Variants in KCNIP1 observed in about 807,000 individuals in gnomAD.
KCNIP1 encodes the protein potassium voltage-gated channel interacting protein 1, also known as A-type potassium channel modulatory protein KCNIP1.
A neutral mutation model predicts 33.0 loss-of-function variants in KCNIP1; 18 were observed. The observed-to-expected ratio is 0.55, with a 90% CI of 0.38 to 0.81. The LOEUF (loss-of-function observed/expected upper bound fraction) is 0.81, where lower values mean the gene tolerates loss of function less well. KCNIP1 is among the 30% of genes least tolerant of loss of function. The pLI is 0.00. For missense variants in KCNIP1, 238 were observed against 271.6 expected, an observed-to-expected ratio of 0.88 and a Z score of 0.87; for synonymous variants, 93 against 98.3, an observed-to-expected ratio of 0.95 and a Z score of 0.32.
intron 1 of KCNIP1, among the ~76,000 whole-genome samples, chr5:170,434,024 A>G (rs1581188579): frequency 6.6e-6 from 1 of 152,096 alleles, no homozygotes; most frequent in East Asian, 1.9e-4. Flanking sequence ...CCTCAAAAAG[A>G]GTTTTGTAGA....
At chr5:170,482,096 G>A (rs1006646104) in intron 1 of KCNIP1, among the ~76,000 whole-genome samples, 8 of 152,202 alleles carry the variant, frequency 5.3e-5, no homozygotes, top group South Asian at 2.1e-4. Context: ...AACCAAGCCA[G>A]CCATGTTAGC....
intron 1 of KCNIP1, among the ~76,000 whole-genome samples, chr5:170,688,977 G>A (rs1762632180): frequency 7.1e-6 from 1 of 141,830 alleles, no homozygotes. Context: ...GTGGAAAGAA[G>A]GAAGGAAGAA....
At chr5:170,411,397 C>T (rs1755184341) in intron 1 of KCNIP1, among the ~76,000 whole-genome samples, 2 of 152,292 alleles carry the variant, frequency 1.3e-5, no homozygotes, top group Admixed American at 6.5e-5. Context: ...AGTTCTCATC[C>T]ACTGTGCAGA....
At chr5:170,451,369 T>C (rs867960571) in intron 1 of KCNIP1, among the ~76,000 whole-genome samples, 4 of 152,116 alleles carry the variant, frequency 2.6e-5, no homozygotes, top group Admixed American at 6.5e-5. Context: ...TGGCATCCAA[T>C]TGAACCCTCC....
At chr5:170,667,079 C>T (rs1020731174) in intron 1 of KCNIP1, among the ~76,000 whole-genome samples, 2 of 152,090 alleles carry the variant, frequency 1.3e-5, no homozygotes, top group Admixed American at 6.5e-5. Context: ...TTTGAGAGGC[C>T]GAGGTGGGCG....
chr5:170,521,256 C>G (rs1440202009), intron 1 of KCNIP1, among the ~76,000 whole-genome samples: 1 of 152,162 alleles, frequency 6.6e-6, no homozygotes, highest in Non-Finnish European at 1.5e-5. Flanking sequence ...CAGAATCTTT[C>G]TTAACACAAT....
intron 1 of KCNIP1, among the ~76,000 whole-genome samples, chr5:170,572,701 C>T (rs1215587502): frequency 1.3e-5 from 2 of 152,198 alleles, no homozygotes; most frequent in Non-Finnish European, 2.9e-5. Flanking sequence ...GCTGCTGGAA[C>T]AAACACAAGC....
upstream of KCNIP1, among the ~76,000 whole-genome samples, chr5:170,500,058 T>C (rs1757381364): frequency 3.9e-5 from 6 of 152,134 alleles, no homozygotes; most frequent in Admixed American, 2.6e-4. Flanking sequence ...AAACTGGAAG[T>C]CCAAGATCAA....
intron 1 of KCNIP1, among the ~76,000 whole-genome samples, chr5:170,469,322 G>T (rs915119417): frequency 6.6e-6 from 1 of 152,142 alleles, no homozygotes; most frequent in Non-Finnish European, 1.5e-5. Flanking sequence ...TTGAGCCCAG[G>T]AATTCAAGGC....
intron 1 of KCNIP1, among the ~76,000 whole-genome samples, chr5:170,707,494 A>C (rs50057): frequency 6.6e-6 from 1 of 152,134 alleles, no homozygotes; most frequent in Non-Finnish European, 1.5e-5. Flanking sequence ...TGTCACACAC[A>C]AACAGAATTA....
At chr5:170,358,674 T>A (rs1763414005) in intron 1 of KCNIP1, among the ~76,000 whole-genome samples, 1 of 152,250 alleles carries the variant, frequency 6.6e-6, no homozygotes, top group Non-Finnish European at 1.5e-5. Flanking sequence ...AAATCCCAAC[T>A]CTGCTCTTGC....
Position 170,682,251 on chromosome 5 carries a change from T to A in KCNIP1, c.62-36507T>A, listed in dbSNP as rs76258653. On this transcript the variant is annotated intron_variant, in intron 1 of 7. Coordinates refer to ENST00000328939, the MANE Select transcript of KCNIP1 (RefSeq NM_014592.4). ...GTTTAATGTTGGTCAAGTCATTTTTTAAAAAATTCTAGGTCTTGGTTTCCT... is the reference window on the plus strand; with the variant it reads ...GTTTAATGTTGGTCAAGTCATTTTTAAAAAAATTCTAGGTCTTGGTTTCCT... Among the ~76,000 whole-genome samples the A allele has an allele frequency of 7.0e-3, 1,073 of 152,312 alleles. 3 individuals carry two copies. The highest frequency in any genetic ancestry group is 0.012 in the Non-Finnish European group (797 of 68,014).
chr5:170,656,621 CT>C (rs1761274935), intron 1 of KCNIP1, among the ~76,000 whole-genome samples: 1 of 152,180 alleles, frequency 6.6e-6, no homozygotes, highest in Non-Finnish European at 1.5e-5. Context: ...TCATGGGAGC[CT>C]GGGAGAGGCC....
At chr5:170,652,350 T>C in intron 1 of KCNIP1, among the ~76,000 whole-genome samples, 1 of 151,736 alleles carries the variant, frequency 6.6e-6, no homozygotes, top group Non-Finnish European at 1.5e-5. Flanking sequence ...CCAAGTGTGA[T>C]GACACATGCT....
intron 1 of KCNIP1, among the ~76,000 whole-genome samples, chr5:170,640,625 G>GAT (rs1760503877): frequency 6.6e-6 from 1 of 152,198 alleles, no homozygotes; most frequent in African/African-American, 2.4e-5. Flanking sequence ...ACACACTGAG[G>GAT]ATATACACTT....
chr5:170,431,320 T>C (rs1755735721), intron 1 of KCNIP1, among the ~76,000 whole-genome samples: 1 of 152,194 alleles, frequency 6.6e-6, no homozygotes, highest in South Asian at 2.1e-4. Flanking sequence ...TGGCTGATGG[T>C]GGAAGAAATG....
Position 170,636,986 on chromosome 5 carries a change from G to T in KCNIP1, c.62-81772G>T, listed in dbSNP as rs76935140. ...AAAATCCACCTCCAAGTCCACAGTG[G>T]GTTGGCCCCACCCCCAACCCATCCC... On this transcript the variant is annotated intron_variant, in intron 1 of 7. Coordinates refer to ENST00000328939, the MANE Select transcript of KCNIP1 (RefSeq NM_014592.4). 1.8e-3 allele frequency among the ~76,000 whole-genome samples: 276 copies of T among 152,194 alleles called. 1 individual carries two copies. Among genetic ancestry groups the T allele is most frequent in the Non-Finnish European group, 3.0e-3 (204 of 68,006 alleles).
At chr5:170,476,457 C>G (rs963383429) in intron 1 of KCNIP1, among the ~76,000 whole-genome samples, 3 of 152,148 alleles carry the variant, frequency 2.0e-5, no homozygotes, top group African/African-American at 7.2e-5. Context: ...GTAAACTTCT[C>G]CTCTGTTCCA....
intron 1 of KCNIP1, among the ~76,000 whole-genome samples, chr5:170,587,116 A>G (rs2113536116): frequency 6.6e-6 from 1 of 152,302 alleles, no homozygotes; most frequent in South Asian, 2.1e-4. Context: ...TCACAAATTC[A>G]GTGGCTTAAA....
Sources: gnomAD v4.1 joint callset for allele counts (sites outside exome capture counted in the v4.1 genomes callset) on GRCh38, gnomAD v4.1.1 for gene constraint, MANE v1.5 for transcripts, NCBI Gene and HGNC (gene_info 2026-07-23, HGNC 2026-07-21) for gene names.